TMEM117: variants seen among roughly 807,000 people sequenced by gnomAD.
The protein encoded by TMEM117 is transmembrane protein 117.
In TMEM117, 27 loss-of-function variants were observed where a neutral mutation model predicts 52.4. The ratio of observed to expected loss-of-function variants is 0.51; its 90% confidence interval spans 0.38 to 0.71. The LOEUF (loss-of-function observed/expected upper bound fraction) is 0.71. Among genes scored for constraint, TMEM117 ranks in the 30% least tolerant of loss-of-function variants. TMEM117 has a pLI of 0.00. For synonymous variants in TMEM117, 215 were observed against 206.3 expected (o/e 1.04, Z -0.36); for missense variants, 556 against 630.5 (o/e 0.88, Z 1.26).
At chr12:44,130,107 A>C in intron 3 of TMEM117, among the ~76,000 whole-genome samples, 1 of 152,136 alleles carries the variant, frequency 6.6e-6, no homozygotes, top group Non-Finnish European at 1.5e-5. Flanking sequence ...ATAAAAAGAA[A>C]ATAGTTACCA....
At chr12:44,103,678 T>G (rs1168579957) in intron 3 of TMEM117, among the ~76,000 whole-genome samples, 2 of 152,054 alleles carry the variant, frequency 1.3e-5, no homozygotes, top group African/African-American at 4.8e-5. Flanking sequence ...TGCATGCTGA[T>G]GGATCCCAGC....
rs866865269 is a variant in TMEM117, at chr12:44,380,991, A to G, written c.898+4267A>G. ...CACTGACATTTTAAAAGCATATAGG[A>G]TTTGAGTATTTTTTTAATCCTGATT... On this transcript the variant is annotated intron_variant, in intron 7 of 7. Transcript: ENST00000266534. Among the ~76,000 whole-genome samples, 12 of 152,244 alleles carry G rather than the reference A, an allele frequency of 7.9e-5. No individual in the cohort carries two copies. The Middle Eastern group carries it at 0.014, about 173-fold the overall frequency.
chr12:43,960,987 G>A (rs118011803), intron 3 of TMEM117, among the ~76,000 whole-genome samples: 1 of 152,142 alleles, frequency 6.6e-6, no homozygotes, highest in Non-Finnish European at 1.5e-5. Flanking sequence ...GTGGGAGGCA[G>A]TGTGATATAA....
At chr12:44,347,417 G>T (rs1397959080) in intron 6 of TMEM117, among the ~76,000 whole-genome samples, 1 of 152,002 alleles carries the variant, frequency 6.6e-6, no homozygotes, top group Admixed American at 6.6e-5. Flanking sequence ...AGAGGACAAA[G>T]GTATTAGTTT....
At chr12:43,873,373 A>G (rs536247489) in intron 2 of TMEM117, among the ~76,000 whole-genome samples, 57 of 152,314 alleles carry the variant, frequency 3.7e-4, no homozygotes, top group Middle Eastern at 3.4e-3. Context: ...ATGTGAGAAT[A>G]TAATTACATT....
At chr12:44,399,084 T>G in the TMEM117 span, among the ~76,000 whole-genome samples, 1 of 152,220 alleles carries the variant, frequency 6.6e-6, no homozygotes, top group South Asian at 2.1e-4. Flanking sequence ...CTTGTCTATT[T>G]ACAATAAACT....
At chr12:44,178,180 T>TA (rs1949142272) in intron 4 of TMEM117, among the ~76,000 whole-genome samples, 1 of 152,224 alleles carries the variant, frequency 6.6e-6, no homozygotes, top group African/African-American at 2.4e-5. Context: ...GATACACTGT[T>TA]AATTTAGCCC....
chr12:43,989,893 G>A (rs1289327850), intron 3 of TMEM117, among the ~76,000 whole-genome samples: 1 of 152,066 alleles, frequency 6.6e-6, no homozygotes, highest in African/African-American at 2.4e-5. Flanking sequence ...TTCTGACTCT[G>A]AAACAAATGT....
At chr12:44,020,542 A>AT (rs765280312) in intron 3 of TMEM117, among the ~76,000 whole-genome samples, 9 of 152,232 alleles carry the variant, frequency 5.9e-5, no homozygotes, top group Non-Finnish European at 1.0e-4. Context: ...CCCTAACATT[A>AT]TCATTTGTGC....
At chr12:44,088,998 A>T (rs1411843965) in intron 3 of TMEM117, among the ~76,000 whole-genome samples, 1 of 152,192 alleles carries the variant, frequency 6.6e-6, no homozygotes, top group Non-Finnish European at 1.5e-5. Flanking sequence ...AATCAAAATG[A>T]CAGCACCTGT....
intron 2 of TMEM117, among the ~76,000 whole-genome samples, chr12:43,897,804 T>C (rs532882363): frequency 6.6e-6 from 1 of 152,086 alleles, no homozygotes; most frequent in South Asian, 2.1e-4. Context: ...AGAGGTGAGG[T>C]GTCACCATGT....
At chr12:43,839,787 T>C (rs575065035) in intron 1 of TMEM117, among the ~76,000 whole-genome samples, 2 of 152,392 alleles carry the variant, frequency 1.3e-5, no homozygotes, top group East Asian at 3.9e-4. Context: ...CTGGTAAATG[T>C]TGAACAAATG....
intron 3 of TMEM117, among the ~76,000 whole-genome samples, chr12:44,066,337 C>T (rs1276094446): frequency 6.6e-6 from 1 of 152,162 alleles, no homozygotes; most frequent in Non-Finnish European, 1.5e-5. Context: ...GTATACTAAG[C>T]ATTCTCTGAA....
chr12:44,140,789 A>G (rs111831989), intron 3 of TMEM117, among the ~76,000 whole-genome samples: 4 of 152,144 alleles, frequency 2.6e-5, no homozygotes, highest in African/African-American at 7.2e-5. Flanking sequence ...CTTGGACCAC[A>G]TTCTCTAGCT....
intron 3 of TMEM117, among the ~76,000 whole-genome samples, chr12:43,951,992 C>T (rs768225180): frequency 3.9e-5 from 6 of 152,150 alleles, no homozygotes; most frequent in East Asian, 1.9e-4. Context: ...ATAACCCAGG[C>T]GAACAGAGTC....
intron 6 of TMEM117, among the ~76,000 whole-genome samples, chr12:44,309,788 A>C (rs989438830): frequency 6.6e-6 from 1 of 152,120 alleles, no homozygotes; most frequent in African/African-American, 2.4e-5. Flanking sequence ...AAAAAAAAAA[A>C]AAAACAGATC....
At chr12:44,190,831 A>G (rs1476135747) in intron 4 of TMEM117, among the ~76,000 whole-genome samples, 3 of 150,442 alleles carry the variant, frequency 2.0e-5, no homozygotes, top group Non-Finnish European at 4.4e-5. Context: ...GTTTTACTTG[A>G]TAAACTGTAT....
At chr12:43,842,455 A>G (rs1943130923) in intron 1 of TMEM117, among the ~76,000 whole-genome samples, 1 of 85,520 alleles carries the variant, frequency 1.2e-5, no homozygotes, top group East Asian at 2.2e-4. Context: ...TCTATTGCCA[A>G]TGTTTATATT....
chr12:44,078,862 A>AC (rs976766481), intron 3 of TMEM117, among the ~76,000 whole-genome samples: 21 of 56,522 alleles, frequency 3.7e-4, no homozygotes, highest in Middle Eastern at 8.3e-3. Context: ...CTCCCCTAGC[A>AC]CCCCCCCACC....
Sources: gnomAD v4.1 joint callset for allele counts (sites outside exome capture counted in the v4.1 genomes callset) on GRCh38, gnomAD v4.1.1 for gene constraint, MANE v1.5 for transcripts, NCBI Gene and HGNC (gene_info 2026-07-23, HGNC 2026-07-21) for gene names.